DENND2B: variants seen among roughly 807,000 people sequenced by gnomAD.
The protein encoded by DENND2B is DENN domain-containing protein 2B.
A neutral mutation model predicts 116.0 loss-of-function variants in DENND2B; 32 were observed. The observed-to-expected ratio is 0.28, with a 90% CI of 0.21 to 0.37. DENND2B has a LOEUF of 0.37. DENND2B is among the 10% of genes least tolerant of loss of function. DENND2B has a pLI of 1.00. For missense variants in DENND2B, 1,276 were observed against 1,477.7 expected, an observed-to-expected ratio of 0.86 and a Z score of 2.24; for synonymous variants, 588 against 583.9, an observed-to-expected ratio of 1.01 and a Z score of -0.10.
chr11:8,731,098 C>G lies in DENND2B; in HGVS notation c.192G>C (p.Arg64=). The G allele has an allele frequency of 6.2e-7, 1 of 1,609,504 alleles. No homozygotes were observed. Among genetic ancestry groups the G allele is most frequent in the Non-Finnish European group, 8.5e-7 (1 of 1,177,094 alleles). Residue 64 remains arginine, a synonymous_variant, in exon 3 of 20, where the codon CGG becomes CGC. Coordinates refer to ENST00000313726, the MANE Select transcript of DENND2B (RefSeq NM_213618.2). The part of the protein sequence containing the change: ...ACRYPSHSSS[R]VLLKDRHPPA... ...GGGGGTGCCGGTCCTTGAGGAGCAC[C>G]CGGGAGCTGGAGTGGCTGGGGTACC...
chr11:8,838,412 C>T (rs1171774240), intron 4 of DENND2B, among the ~76,000 whole-genome samples: 1 of 152,246 alleles, frequency 6.6e-6, no homozygotes, highest in Non-Finnish European at 1.5e-5. Context: ...ACCGCTCCTT[C>T]CAACTGACCA....
At chr11:8,834,901 C>T (rs1288359089) in intron 4 of DENND2B, among the ~76,000 whole-genome samples, 3 of 152,136 alleles carry the variant, frequency 2.0e-5, no homozygotes, top group African/African-American at 7.2e-5. Context: ...AGACACAAAA[C>T]AATACCTCTG....
intron 1 of DENND2B, among the ~76,000 whole-genome samples, chr11:8,752,815 A>G (rs1010995528): frequency 3.3e-5 from 5 of 152,206 alleles, no homozygotes; most frequent in Non-Finnish European, 5.9e-5. Flanking sequence ...GGAAAGAAGG[A>G]AGTAAAATTA....
chr11:8,746,251 AT>A (rs2051225387), intron 2 of DENND2B, among the ~76,000 whole-genome samples: 1 of 152,192 alleles, frequency 6.6e-6, no homozygotes, highest in Admixed American at 6.5e-5. Flanking sequence ...CTGTGCCTAC[AT>A]TGGCCATGGA....
chr11:8,751,184 A>G (rs2052383837), intron 1 of DENND2B, among the ~76,000 whole-genome samples: 1 of 152,140 alleles, frequency 6.6e-6, no homozygotes, highest in African/African-American at 2.4e-5. Context: ...CAGGGTTTGT[A>G]AATACATCAG....
intron 1 of DENND2B, chr11:8,785,594 T>C (rs1024057404): frequency 2.0e-5 from 3 of 152,196 alleles, no homozygotes; most frequent in African/African-American, 7.2e-5. Context: ...CCAGGGCTGG[T>C]GTTATCTAGG....
At chr11:8,723,237 T>G (rs1367123569) in intron 4 of DENND2B, among the ~76,000 whole-genome samples, 1 of 152,234 alleles carries the variant, frequency 6.6e-6, no homozygotes, top group Non-Finnish European at 1.5e-5. Context: ...TGCTGGGTGC[T>G]GGCAATCCTG....
chr11:8,895,033 A>G (rs1160377748), intron 1 of DENND2B, among the ~76,000 whole-genome samples: 3 of 152,198 alleles, frequency 2.0e-5, no homozygotes, highest in Non-Finnish European at 4.4e-5. Context: ...GATTAAGAAA[A>G]TGTGGCACAT....
intron 5 of DENND2B, among the ~76,000 whole-genome samples, chr11:8,716,720 T>A (rs2044889330): frequency 1.3e-5 from 2 of 152,106 alleles, no homozygotes; most frequent in South Asian, 4.1e-4. Flanking sequence ...CGATCTTGGC[T>A]TACTGCAACC....
intron 3 of DENND2B, chr11:8,845,247 C>T (rs1267969566): frequency 3.9e-5 from 6 of 152,146 alleles, no homozygotes; most frequent in South Asian, 2.1e-4. Context: ...ACATAAATAA[C>T]TAAACAGAAG....
intron 1 of DENND2B, among the ~76,000 whole-genome samples, chr11:8,908,417 GATA>G (rs2064266697): frequency 6.6e-6 from 1 of 152,188 alleles, no homozygotes; most frequent in African/African-American, 2.4e-5. Context: ...TGAAGCTTAA[GATA>G]ATAATACTAG....
intron 2 of DENND2B, among the ~76,000 whole-genome samples, chr11:8,868,684 G>C (rs114634037): frequency 0.014 from 2,167 of 152,320 alleles, 24 homozygotes; most frequent in Middle Eastern, 0.031. Context: ...GAGAGAGCTG[G>C]CAGGTGGCAT....
intron 1 of DENND2B, among the ~76,000 whole-genome samples, chr11:8,884,056 G>A (rs7479439): frequency 2.0e-5 from 3 of 152,140 alleles, no homozygotes; most frequent in African/African-American, 7.2e-5. Flanking sequence ...TTCCTCTATA[G>A]AGATACAGTT....
upstream of DENND2B, among the ~76,000 whole-genome samples, chr11:8,872,527 A>ATAATT (rs1478952099): frequency 1.3e-5 from 2 of 152,034 alleles, no homozygotes; most frequent in Admixed American, 6.6e-5. Context: ...CATCCTGGAA[A>ATAATT]TAATTTAACT....
intron 2 of DENND2B, 94 bp downstream of exon 2, chr11:8,750,527 G>T: frequency 9.5e-7 from 1 of 1,052,598 alleles, no homozygotes; most frequent in Non-Finnish European, 1.5e-6. Context: ...CTGGATGACT[G>T]TCAGTCAAGA....
intron 2 of DENND2B, among the ~76,000 whole-genome samples, chr11:8,734,605 T>C (rs975924095): frequency 2.0e-5 from 3 of 151,936 alleles, no homozygotes; most frequent in African/African-American, 4.8e-5. Context: ...CTGGCCAACA[T>C]GGCGAAACCC....
chr11:8,767,591 G>A (rs1191017171), intron 1 of DENND2B, among the ~76,000 whole-genome samples: 3 of 151,974 alleles, frequency 2.0e-5, no homozygotes, highest in Non-Finnish European at 4.4e-5. Context: ...ACTAATATTC[G>A]TCAAAAAAAT....
At chr11:8,748,646 C>G (rs1167681488) in intron 2 of DENND2B, among the ~76,000 whole-genome samples, 1 of 151,852 alleles carries the variant, frequency 6.6e-6, no homozygotes, top group Admixed American at 6.6e-5. Flanking sequence ...AGGAGAGAAG[C>G]GGAAATGTGG....
At chr11:8,747,907 C>A (rs765077837) in intron 2 of DENND2B, among the ~76,000 whole-genome samples, 29 of 152,148 alleles carry the variant, frequency 1.9e-4, no homozygotes, top group Non-Finnish European at 3.2e-4. Context: ...GGTCTTTAAC[C>A]CAGACAGGCT....
Sources: allele counts gnomAD v4.1 joint callset (sites outside exome capture counted in the v4.1 genomes callset), GRCh38; gene constraint gnomAD v4.1.1; transcripts MANE v1.5; gene names NCBI Gene and HGNC (gene_info 2026-07-23, HGNC 2026-07-21).